LY96: variants seen among roughly 807,000 people sequenced by gnomAD.
The protein encoded by LY96 is lymphocyte antigen 96.
In LY96, 18 loss-of-function variants were observed where a neutral mutation model predicts 18.9. The ratio of observed to expected loss-of-function variants is 0.95; its 90% CI spans 0.66 to 1.41. LY96 has a LOEUF of 1.41. Among genes scored for constraint, LY96 ranks in the 40% most tolerant of loss-of-function variants. LY96 has a pLI of 0.00. For missense variants in LY96, 175 were observed against 182.4 expected (o/e 0.96, Z 0.23); for synonymous variants, 66 against 62.6 (o/e 1.06, Z -0.26).
the LY96 span, among the ~76,000 whole-genome samples, chr8:74,041,712 C>A: frequency 2.0e-5 from 3 of 152,128 alleles, no homozygotes; most frequent in African/African-American, 7.2e-5. Flanking sequence ...GGAAACCCCC[C>A]CCACCACTAG....
chr8:74,089,586 G>A, the LY96 span, among the ~76,000 whole-genome samples: 3 of 152,242 alleles, frequency 2.0e-5, no homozygotes. Context: ...TTATTTGACA[G>A]ATGTGTAAAG....
At chr8:74,071,110 G>C in the LY96 span, among the ~76,000 whole-genome samples, 2 of 152,142 alleles carry the variant, frequency 1.3e-5, no homozygotes, top group African/African-American at 4.8e-5. Flanking sequence ...GCATAGGGCA[G>C]GTGTCAGAGC....
chr8:74,089,278 T>C, the LY96 span, among the ~76,000 whole-genome samples: 1 of 152,180 alleles, frequency 6.6e-6, no homozygotes, highest in Non-Finnish European at 1.5e-5. Flanking sequence ...TTCCAAATCC[T>C]CAAAACAAGA....
the LY96 span, among the ~76,000 whole-genome samples, chr8:74,060,177 C>T: frequency 8.6e-5 from 13 of 151,940 alleles, no homozygotes; most frequent in South Asian, 4.2e-4. Context: ...ACGACGACGA[C>T]GACAACGAAA....
At chr8:74,023,873 C>T (rs1816817382) in intron 3 of LY96, among the ~76,000 whole-genome samples, 1 of 152,214 alleles carries the variant, frequency 6.6e-6, no homozygotes, top group Non-Finnish European at 1.5e-5. Flanking sequence ...AAAATGTTCT[C>T]TTTATTACAA....
At chr8:74,017,446 G>A (rs1816667811) in intron 3 of LY96, among the ~76,000 whole-genome samples, 1 of 152,172 alleles carries the variant, frequency 6.6e-6, no homozygotes, top group Non-Finnish European at 1.5e-5. Flanking sequence ...TGAAAGTGAT[G>A]GTGAGAATGG....
intron 1 of LY96, among the ~76,000 whole-genome samples, chr8:74,001,342 G>A (rs970474714): frequency 6.6e-6 from 1 of 151,482 alleles, no homozygotes; most frequent in African/African-American, 2.4e-5. Context: ...TTGTGCCTCA[G>A]CCTCCCGAAT....
chr8:74,026,413 G>T (rs1359612948), intron 3 of LY96, among the ~76,000 whole-genome samples: 1 of 152,194 alleles, frequency 6.6e-6, no homozygotes, highest in Non-Finnish European at 1.5e-5. Flanking sequence ...ATCTGTCTTT[G>T]CAAGATTGTT....
chr8:74,017,132 C>T (rs200378420), intron 3 of LY96, among the ~76,000 whole-genome samples: 21 of 152,202 alleles, frequency 1.4e-4, no homozygotes, highest in South Asian at 2.1e-4. Context: ...TCGAACCCAT[C>T]GCAAGGAAGC....
At chr8:74,043,387 A>G in the LY96 span, among the ~76,000 whole-genome samples, 3 of 152,268 alleles carry the variant, frequency 2.0e-5, no homozygotes, top group East Asian at 5.8e-4. Context: ...GTAGGGCTTT[A>G]TTCAGGGCTT....
chr8:74,020,149 A>G (rs144144072), intron 3 of LY96, among the ~76,000 whole-genome samples: 2 of 152,198 alleles, frequency 1.3e-5, no homozygotes, highest in South Asian at 4.1e-4. Flanking sequence ...TTCAGATGAC[A>G]TGATTGTATA....
intron 1 of LY96, among the ~76,000 whole-genome samples, 199 bp downstream of exon 1, chr8:73,991,753 G>A (rs1416542303): frequency 1.3e-5 from 2 of 152,140 alleles, no homozygotes; most frequent in African/African-American, 4.8e-5. Flanking sequence ...GAGCTTGTGA[G>A]TCTCTAAACT....
At position 73,991,457 on chromosome 8, in the gene LY96, GT is replaced by G; in HGVS notation, c.22del (p.Ser8ProfsTer45). Reference protein sequence around the residue: MLPFLFFSTLFSSIFT... With the variant: MLPFLXFSTLFSSIFT... The stretch of plus-strand genomic sequence containing the variant: ...GATATTGAATCATGTTACCATTTCT[GT>G]TTTTTTCCACCCTGTTTTCTTCCAT... On this transcript the variant is annotated frameshift_variant, in exon 1 of 5. Transcript: ENST00000284818. LOFTEE classifies it high-confidence loss of function. The G allele has an allele frequency of 1.2e-6, 2 of 1,604,122 alleles. No homozygotes were observed. Among genetic ancestry groups the G allele is most frequent in the Non-Finnish European group, 1.7e-6 (2 of 1,171,076 alleles).
downstream of LY96, among the ~76,000 whole-genome samples, chr8:74,031,453 C>T (rs1396157431): frequency 6.6e-6 from 1 of 151,994 alleles, no homozygotes; most frequent in Non-Finnish European, 1.5e-5. Flanking sequence ...TGGTGAAACC[C>T]TGTCTCTACT....
the LY96 span, among the ~76,000 whole-genome samples, chr8:74,069,106 A>G: frequency 6.6e-6 from 1 of 152,208 alleles, no homozygotes; most frequent in African/African-American, 2.4e-5. Flanking sequence ...TAATCTTTAG[A>G]TATTATGGAT....
At chr8:74,056,092 C>A in the LY96 span, 516 of 172,022 alleles carry the variant, frequency 3.0e-3, 4 homozygotes, top group African/African-American at 0.012. Context: ...TTGAGGTAAG[C>A]CTTGCTGAGC....
the LY96 span, among the ~76,000 whole-genome samples, chr8:74,039,243 A>G: frequency 3.9e-5 from 6 of 151,976 alleles, no homozygotes; most frequent in African/African-American, 1.5e-4. Context: ...TTTCCTGTAG[A>G]GTTATTTGAG....
chr8:74,095,429 G>A, the LY96 span, among the ~76,000 whole-genome samples: 3 of 152,232 alleles, frequency 2.0e-5, no homozygotes, highest in South Asian at 6.2e-4. Flanking sequence ...TTTAATGCCA[G>A]CCACGGTGCC....
At chr8:74,031,365 C>T (rs768451404), downstream of LY96, among the ~76,000 whole-genome samples, 8 of 152,288 alleles carry the variant, frequency 5.3e-5, no homozygotes, top group South Asian at 4.1e-4. Context: ...TGGTGGCTCA[C>T]GCCTGTAATC....
Sources: allele counts gnomAD v4.1 joint callset (sites outside exome capture counted in the v4.1 genomes callset), GRCh38; gene constraint gnomAD v4.1.1; transcripts MANE v1.5; gene names NCBI Gene and HGNC (gene_info 2026-07-23, HGNC 2026-07-21).